STXBP4: variants seen among roughly 807,000 people sequenced by gnomAD.
STXBP4 encodes the protein syntaxin-binding protein 4.
STXBP4 carries 55 observed loss-of-function variants against 76.1 expected under a neutral mutation model. The ratio of observed to expected loss-of-function variants is 0.72; its 90% CI spans 0.58 to 0.91. The LOEUF is 0.91. Among genes scored for constraint, STXBP4 ranks in the 40% least tolerant of loss-of-function variants. The probability of loss-of-function intolerance (pLI) is 0.00; values close to 1 mark genes in which losing one functional copy is unlikely to be tolerated. For missense variants in STXBP4, 618 were observed against 636.9 expected (o/e 0.97, Z 0.32); for synonymous variants, 201 against 220.2 (o/e 0.91, Z 0.77).
chr17:54,973,383 A>G (rs1445372638), intron 1 of STXBP4, among the ~76,000 whole-genome samples: 1 of 152,224 alleles, frequency 6.6e-6, no homozygotes, highest in Non-Finnish European at 1.5e-5. Context: ...TGTCTCAGGT[A>G]AAAATCATCA....
intron 1 of STXBP4, among the ~76,000 whole-genome samples, chr17:54,977,075 C>T (rs2077483922): frequency 1.3e-5 from 2 of 152,270 alleles, no homozygotes; most frequent in South Asian, 4.1e-4. Context: ...TCTTCCCTGG[C>T]AATACTCCTT....
At chr17:55,050,763 G>A (rs984725466) in intron 12 of STXBP4, among the ~76,000 whole-genome samples, 1 of 152,150 alleles carries the variant, frequency 6.6e-6, no homozygotes, top group African/African-American at 2.4e-5. Flanking sequence ...CACCTCCCGG[G>A]TACAAGCGAT....
chr17:55,048,326 A>G lies in STXBP4; in HGVS notation c.1011+1172A>G, dbSNP rs150024180. On this transcript the variant is annotated intron_variant, in intron 12 of 17. Transcript: ENST00000376352. The stretch of plus-strand genomic sequence containing the variant: ...CTATGACCATCAAAACAAGATCCAT[A>G]GAAGAAACTGCACAGAAGAGAGTGC... 7.6e-3 allele frequency among the ~76,000 whole-genome samples: 1,163 copies of G among 152,052 alleles called. 8 individuals carry two copies. Among genetic ancestry groups the G allele is most frequent in the Non-Finnish European group, 0.012 (825 of 67,834 alleles).
intron 8 of STXBP4, among the ~76,000 whole-genome samples, chr17:55,023,986 C>T (rs1234638824): frequency 6.7e-6 from 1 of 149,322 alleles, no homozygotes; most frequent in East Asian, 1.9e-4. Context: ...TACAGATAAC[C>T]CCAAAGAAAG....
At chr17:55,190,634 A>T in the STXBP4 span, among the ~76,000 whole-genome samples, 1 of 152,106 alleles carries the variant, frequency 6.6e-6, no homozygotes, top group Non-Finnish European at 1.5e-5. Flanking sequence ...TTGAAAACAA[A>T]GGAAGGAATG....
At chr17:55,119,785 G>A (rs1447056737) in intron 16 of STXBP4, among the ~76,000 whole-genome samples, 1 of 148,830 alleles carries the variant, frequency 6.7e-6, no homozygotes, top group African/African-American at 2.5e-5. Flanking sequence ...GTATTAATAA[G>A]TTATCATTGA....
At chr17:55,043,884 T>C (rs569913654) in intron 11 of STXBP4, 254 of 469,590 alleles carry the variant, frequency 5.4e-4, no homozygotes, top group Non-Finnish European at 7.7e-4. Flanking sequence ...GGTCGCACTC[T>C]GTCGCCCAGG....
At position 54,984,462 on chromosome 17, in the gene STXBP4, C is replaced by G. The variant is rs1313465579; in HGVS notation, c.-156-1152C>G. 5.9e-5 allele frequency among the ~76,000 whole-genome samples: 9 copies of G among 151,516 alleles called. No homozygotes were observed. The East Asian group carries it at 1.6e-3, about 26-fold the overall frequency. ...GGTTCACGCCATTCTCCTGCCTCAG[C>G]CTCCCGAGTAGCTGGGACTACAGGC... On this transcript the variant is annotated intron_variant, in intron 1 of 17. Transcript: ENST00000376352.
At chr17:55,035,533 A>T (rs2078585810) in intron 10 of STXBP4, among the ~76,000 whole-genome samples, 1 of 151,870 alleles carries the variant, frequency 6.6e-6, no homozygotes, top group Non-Finnish European at 1.5e-5. Context: ...CTGCAAAAAA[A>T]CTTTAAATGA....
chr17:55,009,077 G>A (rs1398906020), intron 8 of STXBP4, among the ~76,000 whole-genome samples: 1 of 152,208 alleles, frequency 6.6e-6, no homozygotes, highest in East Asian at 1.9e-4. Context: ...AATTATAAGT[G>A]TCTTCACCGC....
intron 13 of STXBP4, among the ~76,000 whole-genome samples, chr17:55,074,580 A>G (rs539916588): frequency 2.0e-5 from 3 of 152,306 alleles, no homozygotes; most frequent in Admixed American, 6.5e-5. Flanking sequence ...TTTAAATGAT[A>G]TAACTTTCAA....
chr17:55,114,569 CCTAA>C (rs777700442), intron 16 of STXBP4, among the ~76,000 whole-genome samples: 46 of 151,932 alleles, frequency 3.0e-4, no homozygotes, highest in Admixed American at 5.3e-4. Context: ...CTAAATCTAG[CCTAA>C]CTGTTAACTG....
chr17:55,207,867 G>A, the STXBP4 span, among the ~76,000 whole-genome samples: 2 of 152,038 alleles, frequency 1.3e-5, no homozygotes, highest in African/African-American at 4.8e-5. Flanking sequence ...TGTTAACGCC[G>A]GTGATCTCTG....
chr17:54,984,544 C>T (rs1394223311), intron 1 of STXBP4, among the ~76,000 whole-genome samples: 1 of 151,726 alleles, frequency 6.6e-6, no homozygotes, highest in Non-Finnish European at 1.5e-5. Context: ...GAGATTTCAC[C>T]GTGTTAGCCA....
At chr17:55,077,686 C>CGTGTGTGTGTGTGTGTGT (rs10690646) in intron 13 of STXBP4, among the ~76,000 whole-genome samples, 1 of 134,004 alleles carries the variant, frequency 7.5e-6, no homozygotes, top group African/African-American at 2.8e-5. Context: ...TGTCTTACAT[C>CGTGTGTGTGTGTGTGTGT]GTGTGTGTGT....
In STXBP4 at chr17:55,148,290, G is replaced by T. The variant is rs182042672; in HGVS notation, c.1547+6923G>T. 8.5e-4 allele frequency among the ~76,000 whole-genome samples: 129 copies of T among 152,238 alleles called. 1 individual carries two copies. Among genetic ancestry groups the T allele is most frequent in the Admixed American group, 2.2e-3 (33 of 15,278 alleles). The stretch of plus-strand genomic sequence containing the variant: ...TGTTTGCCTATTGTATTAGTTAAAA[G>T]CTTCAGTTACATTGTGTCATCTCAT... On this transcript the variant is annotated intron_variant, in intron 17 of 17. Coordinates refer to ENST00000376352, the MANE Select transcript of STXBP4 (RefSeq NM_178509.6).
rs1346828620 is a variant in STXBP4, at chr17:55,161,854, T to C, written c.*1943T>C. 6.6e-6 allele frequency: 1 copy of C among 152,188 alleles called. No homozygotes were observed. The highest frequency in any genetic ancestry group is 1.5e-5 in the Non-Finnish European group (1 of 68,034). 9.4% of individuals were successfully genotyped at this position (152,188 alleles called of 1,614,324 possible). A position where few individuals can be genotyped will look rare whatever the true frequency, so the allele number is the denominator to read the frequency against. On this transcript the variant is annotated 3_prime_UTR_variant, in exon 18 of 18. Coordinates refer to ENST00000376352, the MANE Select transcript of STXBP4 (RefSeq NM_178509.6). Reference sequence around the variant, plus strand: ...CTTAGTTTTAGAGAGTTAGTAATCTTTGCCTAAGGGTCACAAAGCACCTAT... The same window carrying C: ...CTTAGTTTTAGAGAGTTAGTAATCTCTGCCTAAGGGTCACAAAGCACCTAT...
chr17:55,157,179 C>T (rs1034857548), intron 17 of STXBP4, among the ~76,000 whole-genome samples: 1 of 152,128 alleles, frequency 6.6e-6, no homozygotes, highest in Non-Finnish European at 1.5e-5. Context: ...ATTATGGTTT[C>T]TTCTTTGGAC....
chr17:55,072,072 A>G (rs972879834), intron 12 of STXBP4, among the ~76,000 whole-genome samples: 4 of 152,170 alleles, frequency 2.6e-5, no homozygotes, highest in Non-Finnish European at 5.9e-5. Flanking sequence ...GGTGGAAGGT[A>G]TACCTGTATG....
Sources: gnomAD v4.1 joint callset for allele counts (sites outside exome capture counted in the v4.1 genomes callset) on GRCh38, gnomAD v4.1.1 for gene constraint, MANE v1.5 for transcripts, NCBI Gene and HGNC (gene_info 2026-07-23, HGNC 2026-07-21) for gene names.